The following LRP1B variants were observed in gnomAD, a reference collection of about 807,000 sequenced individuals.
The protein encoded by LRP1B is low-density lipoprotein receptor-related protein 1B.
A neutral mutation model predicts 556.6 loss-of-function variants in LRP1B; 217 were observed. The ratio of observed to expected loss-of-function variants is 0.39; its 90% CI spans 0.35 to 0.44. The LOEUF (loss-of-function observed/expected upper bound fraction) is 0.44. Among genes scored for constraint, LRP1B ranks in the 20% least tolerant of loss-of-function variants. LRP1B has a pLI of 1.00. For missense variants in LRP1B, 5,053 were observed against 5,620.8 expected, an observed-to-expected ratio of 0.90 and a Z score of 3.23; for synonymous variants, 2,047 against 1,865.8, an observed-to-expected ratio of 1.10 and a Z score of -2.50.
chr2:140,299,797 T>C (rs1225262835), intron 83 of LRP1B, among the ~76,000 whole-genome samples: 2 of 152,008 alleles, frequency 1.3e-5, no homozygotes, highest in African/African-American at 4.8e-5. Context: ...ATAGAACAAG[T>C]AAATAGCAAT....
chr2:141,886,737 T>A (rs1699126051), intron 1 of LRP1B, among the ~76,000 whole-genome samples: 1 of 152,174 alleles, frequency 6.6e-6, no homozygotes, highest in South Asian at 2.1e-4. Flanking sequence ...ACCTTTTGTT[T>A]TTGTTTTTTC....
chr2:140,296,312 A>G (rs1683602281), intron 84 of LRP1B, among the ~76,000 whole-genome samples: 1 of 152,178 alleles, frequency 6.6e-6, no homozygotes, highest in Non-Finnish European at 1.5e-5. Flanking sequence ...AAGATACCTC[A>G]TTATACAGAT....
chr2:140,905,959 A>G (rs919118577), intron 22 of LRP1B, among the ~76,000 whole-genome samples: 3 of 152,116 alleles, frequency 2.0e-5, no homozygotes, highest in Non-Finnish European at 4.4e-5. Context: ...TTCCCTAAAA[A>G]AAAATCTCTT....
At chr2:140,823,789 A>G (rs189581141) in intron 31 of LRP1B, among the ~76,000 whole-genome samples, 7 of 152,134 alleles carry the variant, frequency 4.6e-5, no homozygotes, top group Non-Finnish European at 8.8e-5. Flanking sequence ...ATTCAGAAAG[A>G]CAGAAAAAAA....
intron 2 of LRP1B, among the ~76,000 whole-genome samples, chr2:141,678,943 T>C (rs964364546): frequency 4.6e-5 from 7 of 152,096 alleles, no homozygotes; most frequent in African/African-American, 1.7e-4. Context: ...GAATAAAATA[T>C]AAAAAACAGT....
intron 2 of LRP1B, among the ~76,000 whole-genome samples, chr2:141,537,434 G>A (rs753732625): frequency 7.9e-5 from 12 of 152,018 alleles, no homozygotes; most frequent in Non-Finnish European, 1.3e-4. Flanking sequence ...TCCTCTCCAT[G>A]TGGACAGATA....
intron 66 of LRP1B, among the ~76,000 whole-genome samples, chr2:140,413,533 C>G (rs986516261): frequency 6.6e-6 from 1 of 152,094 alleles, no homozygotes; most frequent in East Asian, 1.9e-4. Context: ...CCAAAGGTAT[C>G]AATTTTTATT....
At chr2:141,572,488 A>C (rs537008551) in intron 2 of LRP1B, among the ~76,000 whole-genome samples, 15 of 152,306 alleles carry the variant, frequency 9.8e-5, no homozygotes, top group East Asian at 7.7e-4. Context: ...ACCAAAATAT[A>C]AAAGATCAAT....
intron 3 of LRP1B, among the ~76,000 whole-genome samples, chr2:141,469,902 A>G (rs1682395950): frequency 6.6e-6 from 1 of 152,174 alleles, no homozygotes; most frequent in Non-Finnish European, 1.5e-5. Context: ...ATTTTGAGAG[A>G]GAAAAAGAGA....
chr2:140,849,200 CAAAAAAAAAAAAAA>C (rs70988447), intron 29 of LRP1B, among the ~76,000 whole-genome samples: 1 of 100,552 alleles, frequency 9.9e-6, no homozygotes, highest in African/African-American at 4.1e-5. Context: ...ACTAAAAATA[CAAAAAAAAAAAAAA>C]AAAAAAAAAA....
At chr2:141,217,554 TG>T (rs1483570860) in intron 6 of LRP1B, among the ~76,000 whole-genome samples, 1 of 152,160 alleles carries the variant, frequency 6.6e-6, no homozygotes, top group Non-Finnish European at 1.5e-5. Context: ...AAATGAAATT[TG>T]ACCTCTACCT....
At chr2:141,969,134 C>T in intron 1 of LRP1B, among the ~76,000 whole-genome samples, 1 of 150,588 alleles carries the variant, frequency 6.6e-6, no homozygotes, top group African/African-American at 2.4e-5. Context: ...TAAAGCTATA[C>T]ATTGACAAAT....
intron 1 of LRP1B, among the ~76,000 whole-genome samples, chr2:142,007,865 C>A (rs1471679269): frequency 6.6e-6 from 1 of 152,166 alleles, no homozygotes; most frequent in Admixed American, 6.5e-5. Context: ...TTTACTAAGC[C>A]TGATTTCCGC....
At chr2:140,940,642 T>C (rs1025798977) in intron 20 of LRP1B, among the ~76,000 whole-genome samples, 1 of 152,158 alleles carries the variant, frequency 6.6e-6, no homozygotes, top group Non-Finnish European at 1.5e-5. Context: ...TATTTTTCCA[T>C]TGAGACAGAC....
intron 2 of LRP1B, among the ~76,000 whole-genome samples, chr2:141,504,801 A>G (rs1326530942): frequency 6.6e-6 from 1 of 152,166 alleles, no homozygotes; most frequent in Non-Finnish European, 1.5e-5. Context: ...TAATTGCATT[A>G]GATTTTAATT....
chr2:141,697,622 C>T (rs1691776167), intron 2 of LRP1B, among the ~76,000 whole-genome samples: 1 of 151,984 alleles, frequency 6.6e-6, no homozygotes, highest in South Asian at 2.1e-4. Flanking sequence ...TCATATGGAA[C>T]TTGTATACCA....
chr2:140,360,027 G>C (rs572049976), intron 72 of LRP1B, among the ~76,000 whole-genome samples: 1 of 151,636 alleles, frequency 6.6e-6, no homozygotes, highest in East Asian at 1.9e-4. Flanking sequence ...AGCTGTTTAT[G>C]ATCTTTTACA....
intron 35 of LRP1B, among the ~76,000 whole-genome samples, chr2:140,766,935 C>T (rs951071504): frequency 1.3e-5 from 2 of 149,456 alleles, no homozygotes; most frequent in African/African-American, 5.0e-5. Flanking sequence ...TGTTACCATT[C>T]TCTGAGCACC....
intron 1 of LRP1B, among the ~76,000 whole-genome samples, chr2:141,907,163 T>C (rs1220555798): frequency 1.3e-5 from 2 of 152,140 alleles, no homozygotes; most frequent in African/African-American, 2.4e-5. Flanking sequence ...ACTTATAGCA[T>C]TGTAATGAAT....
Sources: allele counts gnomAD v4.1 joint callset (sites outside exome capture counted in the v4.1 genomes callset), GRCh38; gene constraint gnomAD v4.1.1; transcripts MANE v1.5; gene names NCBI Gene and HGNC (gene_info 2026-07-23, HGNC 2026-07-21).